CLEC1A: variants seen among roughly 807,000 people sequenced by gnomAD.
CLEC1A encodes C-type lectin-like receptor-1.
In CLEC1A, 34 loss-of-function variants were observed where a neutral mutation model predicts 28.7. That is an observed-to-expected ratio of 1.18 (90% CI 0.90 to 1.57). The LOEUF is 1.57. Among genes scored for constraint, CLEC1A ranks in the 40% most tolerant of loss-of-function variants. CLEC1A has a pLI of 0.00. For synonymous variants in CLEC1A, 116 were observed against 121.0 expected (o/e 0.96, Z 0.27); for missense variants, 385 against 339.5 (o/e 1.13, Z -1.05).
chr12:10,089,293 G>T, intron 1 of CLEC1A, 71 bp from the exon 2 acceptor site: 1 of 1,253,694 alleles, frequency 8.0e-7, no homozygotes, highest in South Asian at 1.2e-5. Flanking sequence ...TAACAGGTAA[G>T]GGAGTGGAGT....
chr12:10,080,885 T>C (rs889416726), intron 3 of CLEC1A, among the ~76,000 whole-genome samples: 3 of 152,228 alleles, frequency 2.0e-5, no homozygotes, highest in African/African-American at 7.2e-5. Context: ...TTGAGAACTA[T>C]AGTTATGAGT....
At chr12:10,095,515 C>T (rs1947765568) in intron 1 of CLEC1A, among the ~76,000 whole-genome samples, 1 of 151,914 alleles carries the variant, frequency 6.6e-6, no homozygotes, top group Non-Finnish European at 1.5e-5. Flanking sequence ...TGCTGTAATA[C>T]CTCAGCAATA....
intron 1 of CLEC1A, among the ~76,000 whole-genome samples, chr12:10,097,955 G>A (rs1947800760): frequency 2.6e-5 from 2 of 77,762 alleles, no homozygotes; most frequent in African/African-American, 4.0e-5. Context: ...TCAGGTGGAG[G>A]GTCATTTAAT....
chr12:10,076,026 A>G (rs1021458130), intron 3 of CLEC1A, among the ~76,000 whole-genome samples: 8 of 152,330 alleles, frequency 5.3e-5, no homozygotes, highest in Non-Finnish European at 7.4e-5. Context: ...AAGTTTCTAT[A>G]ATGTTCTCCT....
At position 10,078,289 on chromosome 12, in the gene CLEC1A, C is replaced by T. The variant is rs539517553; in HGVS notation, c.392-2634G>A. 9.8e-5 allele frequency among the ~76,000 whole-genome samples: 15 copies of T among 152,328 alleles called. No homozygotes were observed. In the South Asian group the frequency reaches 2.9e-3, roughly 29 times the overall value. On this transcript the variant is annotated intron_variant, in intron 3 of 5. Transcript: ENST00000315330. ...TCTCACAAAGGCACCTAATGCTGTA[C>T]ATTATCTCTACCTAGCCTCCTGTTA...
chr12:10,098,130 G>A (rs7977902), intron 1 of CLEC1A, among the ~76,000 whole-genome samples: 114,605 of 151,672 alleles, frequency 0.76, 45,038 homozygotes, highest in Non-Finnish European at 0.88. Context: ...AAGGGAAAGG[G>A]CATATTAAAA....
intron 3 of CLEC1A, among the ~76,000 whole-genome samples, 157 bp from the exon 4 acceptor site, chr12:10,075,812 C>T (rs1866241238): frequency 6.6e-6 from 1 of 152,158 alleles, no homozygotes; most frequent in Non-Finnish European, 1.5e-5. Flanking sequence ...TTACTGGATA[C>T]CTACTAACTG....
At chr12:10,095,290 A>T (rs534528843) in intron 1 of CLEC1A, among the ~76,000 whole-genome samples, 9 of 152,192 alleles carry the variant, frequency 5.9e-5, no homozygotes, top group Non-Finnish European at 8.8e-5. Flanking sequence ...TTATTATTAA[A>T]TTTTTTAAAA....
intron 1 of CLEC1A, chr12:10,092,475 A>T (rs1947719485): frequency 2.6e-6 from 1 of 377,666 alleles, no homozygotes; most frequent in Non-Finnish European, 5.3e-6. Context: ...TGAGCCAGGG[A>T]GGTCAAGGCT....
chr12:10,091,366 G>A (rs953546562), intron 1 of CLEC1A, among the ~76,000 whole-genome samples: 4 of 151,806 alleles, frequency 2.6e-5, no homozygotes, highest in Non-Finnish European at 2.9e-5. Flanking sequence ...AGATAAGTGG[G>A]TTCTCCAAAG....
Position 10,073,450 on chromosome 12 carries a change from C to A in CLEC1A, c.544-39G>T. 4 of 1,486,228 alleles carry A rather than the reference C, an allele frequency of 2.7e-6. No individual in the cohort carries two copies. The South Asian group carries it at 4.6e-5, about 17-fold the overall frequency. 92.1% of individuals were successfully genotyped at this position (1,486,228 alleles called of 1,614,324 possible). A position where few individuals can be genotyped will look rare whatever the true frequency, so the allele number is the denominator to read the frequency against. On this transcript the variant is annotated intron_variant, in intron 4 of 5. Coordinates refer to ENST00000315330, the MANE Select transcript of CLEC1A (RefSeq NM_016511.4). Reference sequence around the variant, plus strand: ...ATAAGAAAAGCTTTAGCTTTGGTGGCATGATTACTCACATGTACAGACATG... The same window carrying A: ...ATAAGAAAAGCTTTAGCTTTGGTGGAATGATTACTCACATGTACAGACATG...
chr12:10,090,572 G>A (rs1241340835), intron 1 of CLEC1A, among the ~76,000 whole-genome samples: 1 of 152,014 alleles, frequency 6.6e-6, no homozygotes, highest in East Asian at 1.9e-4. Flanking sequence ...CCAATTCTAG[G>A]TAGAGATTTA....
At position 10,075,647 on chromosome 12, in the gene CLEC1A, A is replaced by G; in HGVS notation, c.400T>C (p.Cys134Arg). 6.2e-7 allele frequency: 1 copy of G among 1,612,296 alleles called. No homozygotes were observed. The highest frequency in any genetic ancestry group is 8.5e-7 in the Non-Finnish European group (1 of 1,179,316). Residue 134 changes from cysteine (C) to arginine (R), a missense_variant, in exon 4 of 6, where the codon TGC becomes CGC. Physicochemically the swap from Cys to Arg is radical, Grantham distance 180. Coordinates refer to ENST00000315330, the MANE Select transcript of CLEC1A (RefSeq NM_016511.4). Reference sequence around the variant, plus strand: ...TTCCATTGTTCTGTACAAGGGCTGCACCTGTGTGCTTGGAAAAAAGCCAAT... The same window carrying G: ...TTCCATTGTTCTGTACAAGGGCTGCGCCTGTGTGCTTGGAAAAAAGCCAAT... ...ELYNKAGAHR[C>R]SPCTEQWKWH...
chr12:10,077,221 A>G (rs1866269399), intron 3 of CLEC1A, among the ~76,000 whole-genome samples: 1 of 152,178 alleles, frequency 6.6e-6, no homozygotes, highest in Admixed American at 6.5e-5. Context: ...TTACTTTCTT[A>G]ACTTCAACTA....
At chr12:10,089,254 G>T (rs750146168) in intron 1 of CLEC1A, 32 bp from the exon 2 acceptor site, 1 of 1,581,982 alleles carries the variant, frequency 6.3e-7, no homozygotes, top group South Asian at 1.1e-5. Flanking sequence ...GCAGAGTTTG[G>T]CTTTTTCTTC....
At chr12:10,097,511 A>G (rs1947793511) in intron 1 of CLEC1A, among the ~76,000 whole-genome samples, 1 of 152,226 alleles carries the variant, frequency 6.6e-6, no homozygotes, top group Non-Finnish European at 1.5e-5. Flanking sequence ...ATTTCTTCCA[A>G]GACAATTCTT....
At chr12:10,080,627 T>C (rs2137343366) in intron 3 of CLEC1A, among the ~76,000 whole-genome samples, 1 of 152,284 alleles carries the variant, frequency 6.6e-6, no homozygotes, top group South Asian at 2.1e-4. Context: ...TAAAGTGGAT[T>C]ATCACAAAAC....
Position 10,070,016 on chromosome 12 carries a change from A to T in CLEC1A, c.*1317T>A, listed in dbSNP as rs191770826. ...TTTATAATGTTATCTTTTCTAGCAT[A>T]AAACCCTCAAAATTGATTTATCAGT... On this transcript the variant is annotated 3_prime_UTR_variant, in exon 6 of 6. Transcript: ENST00000315330. 5.2e-5 allele frequency: 8 copies of T among 152,382 alleles called. No individual in the cohort carries two copies. The highest frequency in any genetic ancestry group is 5.2e-4 in the Admixed American group (8 of 15,308). The allele number at this position is 152,382 out of a possible 1,614,324, so 9.4% of individuals were successfully genotyped here. A position where few individuals can be genotyped will look rare whatever the true frequency, so the allele number is the denominator to read the frequency against.
chr12:10,079,522 T>TA (rs113337094), intron 3 of CLEC1A, among the ~76,000 whole-genome samples: 1 of 151,930 alleles, frequency 6.6e-6, no homozygotes, highest in Admixed American at 6.6e-5. Context: ...TCGGTTACCT[T>TA]AAAAAAAAAT....
Sources: gnomAD v4.1 joint callset for allele counts (sites outside exome capture counted in the v4.1 genomes callset) on GRCh38, gnomAD v4.1.1 for gene constraint, MANE v1.5 for transcripts, NCBI Gene and HGNC (gene_info 2026-07-23, HGNC 2026-07-21) for gene names.